The following CDKAL1 variants were observed in gnomAD, a reference collection of about 807,000 sequenced individuals.
CDKAL1 encodes threonylcarbamoyladenosine tRNA methylthiotransferase.
A neutral mutation model predicts 68.2 loss-of-function variants in CDKAL1; 32 were observed. The observed-to-expected ratio is 0.47, with a 90% confidence interval of 0.35 to 0.63. The LOEUF (loss-of-function observed/expected upper bound fraction) is 0.63. Ranked by LOEUF, CDKAL1 falls within the 30% of genes least tolerant of loss-of-function variation. The pLI, the probability that CDKAL1 is intolerant of heterozygous loss-of-function variation, is 0.00. For missense variants in CDKAL1, 606 were observed against 696.7 expected (o/e 0.87, Z 1.47); for synonymous variants, 234 against 244.3 (o/e 0.96, Z 0.39).
chr6:20,817,798 A>T (rs1292692888), intron 8 of CDKAL1, among the ~76,000 whole-genome samples: 2 of 152,198 alleles, frequency 1.3e-5, no homozygotes, highest in Admixed American at 1.3e-4. Context: ...GTGATCCAAG[A>T]TATACTATTA....
chr6:20,957,167 A>G (rs774372470), intron 10 of CDKAL1, among the ~76,000 whole-genome samples: 1 of 152,180 alleles, frequency 6.6e-6, no homozygotes, highest in Non-Finnish European at 1.5e-5. Flanking sequence ...GGTTTATGAT[A>G]ACAGCCACTT....
rs140000785 is a variant in CDKAL1, at chr6:20,890,859, A to G, written c.742+44681A>G. Among the ~76,000 whole-genome samples, 183 of 152,382 alleles carry G rather than the reference A, an allele frequency of 1.2e-3. 1 individual carries two copies. The highest frequency in any genetic ancestry group is 1.9e-3 in the Non-Finnish European group (129 of 68,040). Reference sequence around the variant, plus strand: ...ATAGCTTAAAATTCAATATAATAATAAAAACAATAGTAACGTAAGATAATA... The same window carrying G: ...ATAGCTTAAAATTCAATATAATAATGAAAACAATAGTAACGTAAGATAATA... On this transcript the variant is annotated intron_variant, in intron 9 of 15. Coordinates refer to ENST00000274695, the MANE Select transcript of CDKAL1 (RefSeq NM_017774.3).
At chr6:21,176,786 C>A (rs1185792223) in intron 13 of CDKAL1, among the ~76,000 whole-genome samples, 1 of 151,496 alleles carries the variant, frequency 6.6e-6, no homozygotes, top group African/African-American at 2.4e-5. Context: ...CCTCCGCCAC[C>A]CGGCTTCAAG....
chr6:21,159,101 CT>C (rs10645059), intron 13 of CDKAL1, among the ~76,000 whole-genome samples: 3,131 of 135,748 alleles, frequency 0.023, 59 homozygotes, highest in Middle Eastern at 0.051. Flanking sequence ...CTGAAACCTC[CT>C]TTTTTTTTTT....
intron 12 of CDKAL1, among the ~76,000 whole-genome samples, chr6:21,091,219 A>G (rs924387126): frequency 6.6e-6 from 1 of 152,158 alleles, no homozygotes; most frequent in Non-Finnish European, 1.5e-5. Context: ...TTAACCCACA[A>G]ATATAAAGAG....
At chr6:20,886,842 A>C (rs1418431135) in intron 9 of CDKAL1, among the ~76,000 whole-genome samples, 1 of 152,220 alleles carries the variant, frequency 6.6e-6, no homozygotes, top group African/African-American at 2.4e-5. Context: ...TGTGAATGTA[A>C]TAAATGTCCC....
intron 4 of CDKAL1, among the ~76,000 whole-genome samples, chr6:20,577,110 C>A (rs375918802): frequency 7.9e-5 from 12 of 152,204 alleles, no homozygotes; most frequent in African/African-American, 2.2e-4. Context: ...TCGTTGTTGG[C>A]GACCTAACCT....
intron 11 of CDKAL1, among the ~76,000 whole-genome samples, chr6:21,033,734 T>C (rs201300): frequency 0.37 from 55,619 of 152,058 alleles, 10,395 homozygotes; most frequent in Middle Eastern, 0.45. Context: ...ACGATGTGCT[T>C]TGTGAAAGTA....
rs1765607837 is a variant in CDKAL1 at position 20,971,604 on chromosome 6, A to G, written c.909+16019A>G. 2.6e-5 allele frequency among the ~76,000 whole-genome samples: 4 copies of G among 152,200 alleles called. No homozygotes were observed. In the South Asian group the frequency reaches 8.3e-4, roughly 32 times the overall value. ...GAAGTAACAGATTTTAGAATATAACAATTTTATTACTAACATATTTGTTAT... is the reference window on the plus strand; with the variant it reads ...GAAGTAACAGATTTTAGAATATAACGATTTTATTACTAACATATTTGTTAT... On this transcript the variant is annotated intron_variant, in intron 10 of 15. Transcript: ENST00000274695.
At chr6:20,946,458 G>A (rs1764241055) in intron 9 of CDKAL1, among the ~76,000 whole-genome samples, 1 of 152,076 alleles carries the variant, frequency 6.6e-6, no homozygotes, top group Admixed American at 6.6e-5. Context: ...TCATCATTCT[G>A]GACTCAAAAC....
chr6:20,885,955 T>C (rs887127642), intron 9 of CDKAL1, among the ~76,000 whole-genome samples: 1 of 151,884 alleles, frequency 6.6e-6, no homozygotes, highest in South Asian at 2.1e-4. Context: ...CAGAAATCGC[T>C]TGAACCAGGA....
At chr6:20,721,010 G>A (rs962806585) in intron 5 of CDKAL1, among the ~76,000 whole-genome samples, 3 of 151,948 alleles carry the variant, frequency 2.0e-5, no homozygotes, top group South Asian at 2.1e-4. Context: ...TGTGCACAAC[G>A]TGCAGGTTTG....
chr6:20,927,503 C>T (rs561220946), intron 9 of CDKAL1, among the ~76,000 whole-genome samples: 1 of 152,158 alleles, frequency 6.6e-6, no homozygotes, highest in African/African-American at 2.4e-5. Flanking sequence ...TAGGAGTACA[C>T]CTCTTTTGCA....
At chr6:20,583,070 G>T (rs567847385) in intron 4 of CDKAL1, among the ~76,000 whole-genome samples, 1 of 151,944 alleles carries the variant, frequency 6.6e-6, no homozygotes, top group Non-Finnish European at 1.5e-5. Flanking sequence ...GATTTTTTTT[G>T]GGAAAAGTAA....
At chr6:21,009,100 A>G (rs1767881416) in intron 11 of CDKAL1, among the ~76,000 whole-genome samples, 1 of 152,218 alleles carries the variant, frequency 6.6e-6, no homozygotes, top group Admixed American at 6.5e-5. Context: ...ACAATGGCAC[A>G]TATTATATAC....
intron 11 of CDKAL1, among the ~76,000 whole-genome samples, chr6:21,063,665 G>A (rs1292784481): frequency 1.3e-5 from 2 of 152,174 alleles, no homozygotes; most frequent in Non-Finnish European, 2.9e-5. Flanking sequence ...ACAAGATACT[G>A]TGAAAAGGAA....
At chr6:20,975,296 A>G (rs898434853) in intron 10 of CDKAL1, among the ~76,000 whole-genome samples, 6 of 152,170 alleles carry the variant, frequency 3.9e-5, no homozygotes, top group African/African-American at 1.4e-4. Context: ...TATGTTCCAA[A>G]TTGCCTAATT....
chr6:21,134,931 CATT>C (rs1177110663), intron 13 of CDKAL1, among the ~76,000 whole-genome samples: 19 of 151,234 alleles, frequency 1.3e-4, no homozygotes, highest in African/African-American at 4.6e-4. Context: ...GTTTAGATCC[CATT>C]ATTGTTTAAT....
At chr6:20,728,859 TTTTC>T (rs1473058363) in intron 5 of CDKAL1, among the ~76,000 whole-genome samples, 1 of 152,200 alleles carries the variant, frequency 6.6e-6, no homozygotes, top group Admixed American at 6.5e-5. Flanking sequence ...TTTTCTTTTC[TTTTC>T]TTTCTTTTTT....
Sources: allele counts gnomAD v4.1 joint callset (sites outside exome capture counted in the v4.1 genomes callset), GRCh38; gene constraint gnomAD v4.1.1; transcripts MANE v1.5; gene names NCBI Gene and HGNC (gene_info 2026-07-23, HGNC 2026-07-21).